PCDHGA12: variants seen among roughly 807,000 people sequenced by gnomAD.
The protein encoded by PCDHGA12 is protocadherin gamma subfamily A, 12.
A neutral mutation model predicts 61.1 loss-of-function variants in PCDHGA12; 43 were observed. The ratio of observed to expected loss-of-function variants is 0.70; its 90% confidence interval spans 0.55 to 0.91. PCDHGA12 has a LOEUF of 0.91. Among genes scored for constraint, PCDHGA12 ranks in the 40% least tolerant of loss-of-function variants. The pLI is 0.00. For synonymous variants in PCDHGA12, 520 were observed against 542.9 expected (o/e 0.96, Z 0.59); for missense variants, 1,236 against 1,227.7 (o/e 1.01, Z -0.10).
chr5:141,486,170 C>T lies in PCDHGA12; in HGVS notation c.2425-8637C>T, dbSNP rs759946548. The stretch of plus-strand genomic sequence containing the variant: ...TGGGGGTTCTCCAGCCATGGAGCAA[C>T]ATTGCAGCCTTCGAGTGGATCTGCT... On this transcript the variant is annotated intron_variant, in intron 1 of 3. Coordinates refer to ENST00000252085, the MANE Select transcript of PCDHGA12 (RefSeq NM_003735.3). This position sits in a 1 kb window ranked among gnomAD's most constrained non-coding sequence, Gnocchi z 5.0. The T allele has an allele frequency of 1.5e-5, 24 of 1,614,116 alleles. No individual in the cohort carries two copies. Among genetic ancestry groups the T allele is most frequent in the South Asian group, 4.4e-5 (4 of 91,090 alleles).
Position 141,485,813 on chromosome 5 carries a change from G to A in PCDHGA12, c.2425-8994G>A. The A allele has an allele frequency of 1.9e-6, 3 of 1,614,078 alleles. No individual in the cohort carries two copies. Among genetic ancestry groups the A allele is most frequent in the Non-Finnish European group, 2.5e-6 (3 of 1,180,008 alleles). On this transcript the variant is annotated intron_variant, in intron 1 of 3. Coordinates refer to ENST00000252085, the MANE Select transcript of PCDHGA12 (RefSeq NM_003735.3). This position sits in a 1 kb window ranked among gnomAD's most constrained non-coding sequence, Gnocchi z 5.7. ...ATCGGACTACCGCCTGGTGCTGACT[G>A]CTGTCGATGGAGGGAACCCGCCGAG... is the stretch of plus-strand genomic sequence containing the variant.
Position 141,476,035 on chromosome 5 carries a change from C to A in PCDHGA12, c.2425-18772C>A. On this transcript the variant is annotated intron_variant, in intron 1 of 3. Coordinates refer to ENST00000252085, the MANE Select transcript of PCDHGA12 (RefSeq NM_003735.3). This position sits in a 1 kb window ranked among gnomAD's most constrained non-coding sequence, Gnocchi z 7.6. ...CATGTCGGACTCGGCGCCCAGCGCCCAAGCGCTAACCCGCTGAAAGTTTCT... is the reference window on the plus strand; with the variant it reads ...CATGTCGGACTCGGCGCCCAGCGCCAAAGCGCTAACCCGCTGAAAGTTTCT... The A allele has an allele frequency of 1.4e-6, 2 of 1,466,592 alleles. No individual in the cohort carries two copies. The highest frequency in any genetic ancestry group is 1.8e-6 in the Non-Finnish European group (2 of 1,102,494). 90.8% of individuals were successfully genotyped at this position (1,466,592 alleles called of 1,614,324 possible). A position where few individuals can be genotyped will look rare whatever the true frequency, so the allele number is the denominator to read the frequency against.
intron 1 of PCDHGA12, among the ~76,000 whole-genome samples, chr5:141,468,047 G>A (rs901583535): frequency 2.0e-5 from 3 of 152,050 alleles, no homozygotes; most frequent in Non-Finnish European, 2.9e-5. Context: ...AAACTAAGCC[G>A]GGCACAGTGG....
rs1364415249 is a variant in PCDHGA12 at position 141,489,240 on chromosome 5, C to A, written c.2425-5567C>A. The stretch of plus-strand genomic sequence containing the variant: ...ACTCTCCACAAAGGGACTTCTGGGT[C>A]ATGGGGCCCAAGACACTCCCACAGC... On this transcript the variant is annotated intron_variant, in intron 1 of 3. Coordinates refer to ENST00000252085, the MANE Select transcript of PCDHGA12 (RefSeq NM_003735.3). The surrounding 1 kb of genome is among the most constrained non-coding windows in gnomAD (Gnocchi z 4.5). 1 of 1,534,136 alleles carries A rather than the reference C, an allele frequency of 6.5e-7. No individual in the cohort carries two copies. Among genetic ancestry groups the A allele is most frequent in the South Asian group, 1.3e-5 (1 of 76,896 alleles).
intron 1 of PCDHGA12, among the ~76,000 whole-genome samples, chr5:141,492,798 C>T (rs1219815576): frequency 6.6e-6 from 1 of 152,250 alleles, no homozygotes; most frequent in Non-Finnish European, 1.5e-5. Flanking sequence ...GACAGCAGGA[C>T]TGGGACTCCA....
chr5:141,509,346 G>A (rs946395640), intron 3 of PCDHGA12, among the ~76,000 whole-genome samples: 7 of 152,194 alleles, frequency 4.6e-5, no homozygotes, highest in Non-Finnish European at 8.8e-5. Flanking sequence ...GCCTGGGCTG[G>A]CCTGGGCATC....
Position 141,491,162 on chromosome 5 carries a change from C to T in PCDHGA12, c.2425-3645C>T. 6.2e-7 allele frequency: 1 copy of T among 1,614,112 alleles called. No homozygotes were observed. Among genetic ancestry groups the T allele is most frequent in the Non-Finnish European group, 8.5e-7 (1 of 1,179,952 alleles). On this transcript the variant is annotated intron_variant, in intron 1 of 3. Coordinates refer to ENST00000252085, the MANE Select transcript of PCDHGA12 (RefSeq NM_003735.3). This position sits in a 1 kb window ranked among gnomAD's most constrained non-coding sequence, Gnocchi z 6.9. ...GCCTTACTGGAGGATGACTCTGACA[C>T]CCAGCAGGTGGTGGTCCTGGTGAGG...
Position 141,506,445 on chromosome 5 carries a change from A to T in PCDHGA12, c.2572+964A>T, listed in dbSNP as rs1018306383. 3.8e-3 allele frequency among the ~76,000 whole-genome samples: 112 copies of T among 29,226 alleles called. No individual in the cohort carries two copies. The Middle Eastern group carries it at 0.08, about 21-fold the overall frequency. The allele number at this position is 29,226 out of a possible 152,430, so 19.2% of individuals were successfully genotyped here. ...CTGGGCAACAGTCTCGCTCTGTCTC[A>T]AAAAAAAAAAAAAAAAAAAAGAGCA... On this transcript the variant is annotated intron_variant, in intron 3 of 3. Transcript: ENST00000252085.
chr5:141,485,358 G>A lies in PCDHGA12; in HGVS notation c.2425-9449G>A, dbSNP rs372994272. The A allele has an allele frequency of 1.2e-6, 2 of 1,614,100 alleles. No homozygotes were observed. Among genetic ancestry groups the A allele is most frequent in the Admixed American group, 3.3e-5 (2 of 60,002 alleles). ...CTGGATACGGACAGTCTGTCAGCTC[G>A]CAGGCTGCAGGTCGCTGGAGAGGTG... is the stretch of plus-strand genomic sequence containing the variant. On this transcript the variant is annotated intron_variant, in intron 1 of 3. Transcript: ENST00000252085. This position sits in a 1 kb window ranked among gnomAD's most constrained non-coding sequence, Gnocchi z 5.7.
At position 141,431,007 on chromosome 5, in the gene PCDHGA12, G is replaced by C. The variant is rs149559471; in HGVS notation, c.248G>C (p.Ser83Thr). The change falls in exon 1 of 4, where the codon AGC becomes ACC. Residue 83 changes from serine (S) to threonine (T), a missense_variant. By Grantham distance (58) the Ser-to-Thr change is moderately conservative. Transcript: ENST00000252085. This position sits in a 1 kb window ranked among gnomAD's most constrained non-coding sequence, Gnocchi z 4.8. ...QLFALNPRSG[S>T]LVTAGRIDRE... Reference sequence around the variant, plus strand: ...TTCGCCCTGAATCCGCGCAGCGGCAGCTTGGTCACGGCGGGCAGGATAGAC... The same window carrying C: ...TTCGCCCTGAATCCGCGCAGCGGCACCTTGGTCACGGCGGGCAGGATAGAC... 10 of 1,614,050 alleles carry C rather than the reference G, an allele frequency of 6.2e-6. No homozygotes were observed. The highest frequency in any genetic ancestry group is 8.5e-6 in the Non-Finnish European group (10 of 1,180,018).
chr5:141,449,932 A>T (rs1275797555), intron 1 of PCDHGA12, among the ~76,000 whole-genome samples: 6 of 151,660 alleles, frequency 4.0e-5, no homozygotes, highest in Non-Finnish European at 5.9e-5. Flanking sequence ...CATACCTTAT[A>T]GTATATTTTA....
intron 1 of PCDHGA12, among the ~76,000 whole-genome samples, chr5:141,445,544 T>C (rs1223868698): frequency 6.6e-6 from 1 of 152,126 alleles, no homozygotes; most frequent in Non-Finnish European, 1.5e-5. Context: ...CAAGGAGAAA[T>C]ACAAAAGCAC....
Position 141,485,785 on chromosome 5 carries a change from G to C in PCDHGA12, c.2425-9022G>C. ...TGGAGAAGCCTTTGGATCGAGAGAAGCAATCGGACTACCGCCTGGTGCTGA... is the reference window on the plus strand; with the variant it reads ...TGGAGAAGCCTTTGGATCGAGAGAACCAATCGGACTACCGCCTGGTGCTGA... On this transcript the variant is annotated intron_variant, in intron 1 of 3. Coordinates refer to ENST00000252085, the MANE Select transcript of PCDHGA12 (RefSeq NM_003735.3). The surrounding 1 kb of genome is among the most constrained non-coding windows in gnomAD (Gnocchi z 5.7). The C allele has an allele frequency of 1.2e-6, 2 of 1,614,214 alleles. No individual in the cohort carries two copies. The highest frequency in any genetic ancestry group is 1.7e-6 in the Non-Finnish European group (2 of 1,180,030).
At position 141,489,870 on chromosome 5, in the gene PCDHGA12, G is replaced by T; in HGVS notation, c.2425-4937G>T. On this transcript the variant is annotated intron_variant, in intron 1 of 3. Transcript: ENST00000252085. The surrounding 1 kb of genome is among the most constrained non-coding windows in gnomAD (Gnocchi z 4.5). ...GTGAAGCCCAGGCAAGACATCAGCT[G>T]GTGCTTACTGCTGTGGATGGGGGGA... 1.2e-6 allele frequency: 2 copies of T among 1,614,220 alleles called. No individual in the cohort carries two copies. The highest frequency in any genetic ancestry group is 1.7e-6 in the Non-Finnish European group (2 of 1,180,024).
intron 1 of PCDHGA12, among the ~76,000 whole-genome samples, chr5:141,481,913 C>CAAAA (rs34114744): frequency 1.1e-5 from 1 of 90,846 alleles, no homozygotes; most frequent in African/African-American, 4.2e-5. Context: ...AACTCCATCT[C>CAAAA]AAAAAAAAAA....
chr5:141,487,421 C>G lies in PCDHGA12; in HGVS notation c.2425-7386C>G. On this transcript the variant is annotated intron_variant, in intron 1 of 3. Transcript: ENST00000252085. This position sits in a 1 kb window ranked among gnomAD's most constrained non-coding sequence, Gnocchi z 5.0. ...GGGGCTTCCCCCTTCCAATGGGATC[C>G]TCCGAATCCAGCTAGGGTCAGATGA... 1 of 1,614,144 alleles carries G rather than the reference C, an allele frequency of 6.2e-7. No individual in the cohort carries two copies. The highest frequency in any genetic ancestry group is 8.5e-7 in the Non-Finnish European group (1 of 1,180,022).
At chr5:141,501,606 G>A (rs2099810134) in intron 2 of PCDHGA12, among the ~76,000 whole-genome samples, 1 of 152,012 alleles carries the variant, frequency 6.6e-6, no homozygotes, top group African/African-American at 2.4e-5. Flanking sequence ...AGTTCCAGCT[G>A]TGTGACTCTG....
intron 2 of PCDHGA12, 107 bp from the exon 3 acceptor site, chr5:141,505,286 A>T: frequency 3.2e-6 from 5 of 1,551,278 alleles, no homozygotes; most frequent in Non-Finnish European, 4.4e-6. Flanking sequence ...GGTCTTGGGC[A>T]TGGGGTAGGG....
At chr5:141,474,241 G>A (rs1367530484) in intron 1 of PCDHGA12, among the ~76,000 whole-genome samples, 8 of 151,928 alleles carry the variant, frequency 5.3e-5, no homozygotes, top group East Asian at 1.9e-4. Context: ...TGCTGAATAG[G>A]GGAAAAAAAG....
Sources: allele counts gnomAD v4.1 joint callset (sites outside exome capture counted in the v4.1 genomes callset), GRCh38; gene constraint gnomAD v4.1.1; non-coding constraint Gnocchi (gnomAD v3.1); transcripts MANE v1.5; gene names NCBI Gene and HGNC (gene_info 2026-07-23, HGNC 2026-07-21).